TPX2: variants seen among roughly 807,000 people sequenced by gnomAD.
TPX2 encodes the protein targeting protein for Xklp2.
Under a neutral mutation model 93.6 loss-of-function variants are expected in TPX2, and 21 were observed. The ratio of observed to expected loss-of-function variants is 0.22; its 90% CI spans 0.16 to 0.32. TPX2 has a LOEUF of 0.32. Ranked by LOEUF, TPX2 falls within the 10% of genes least tolerant of loss-of-function variation. TPX2 has a pLI of 1.00. For synonymous variants in TPX2, 281 were observed against 298.3 expected (o/e 0.94, Z 0.60); for missense variants, 776 against 871.1 (o/e 0.89, Z 1.37).
intron 5 of TPX2, among the ~76,000 whole-genome samples, chr20:31,768,046 C>T (rs184195173): frequency 6.6e-6 from 1 of 151,632 alleles, no homozygotes; most frequent in African/African-American, 2.4e-5. Flanking sequence ...ATCCTTCTGC[C>T]TTAGCCTCCT....
chr20:31,773,921 G>A (rs982825053), intron 7 of TPX2, among the ~76,000 whole-genome samples: 28 of 151,564 alleles, frequency 1.8e-4, no homozygotes, highest in Non-Finnish European at 3.1e-4. Flanking sequence ...GTTCAGGCTG[G>A]AGTGCAGTGG....
chr20:31,761,793 A>G (rs2061892644), intron 4 of TPX2, among the ~76,000 whole-genome samples: 1 of 152,256 alleles, frequency 6.6e-6, no homozygotes, highest in Non-Finnish European at 1.5e-5. Flanking sequence ...GCTGGATCAT[A>G]TGGTAATTAT....
intron 4 of TPX2, among the ~76,000 whole-genome samples, chr20:31,766,346 A>G (rs1012902046): frequency 9.2e-5 from 14 of 152,054 alleles, no homozygotes; most frequent in African/African-American, 3.4e-4. Context: ...TAGGCTGGCA[A>G]ATAGGCAAGC....
intron 2 of TPX2, among the ~76,000 whole-genome samples, chr20:31,752,548 T>C (rs1196177291): frequency 6.6e-6 from 1 of 152,236 alleles, no homozygotes; most frequent in East Asian, 1.9e-4. Flanking sequence ...TCTTATTTAT[T>C]GTGTATGATA....
Position 31,760,152 on chromosome 20 carries a change from C to A in TPX2, c.202C>A (p.Gln68Lys), listed in dbSNP as rs1229306292. 7.4e-6 allele frequency: 12 copies of A among 1,613,838 alleles called. No individual in the cohort carries two copies. Among genetic ancestry groups the A allele is most frequent in the Non-Finnish European group, 9.3e-6 (11 of 1,179,914 alleles). Reference protein sequence around the residue: ...KTPLRKANLQQAIVTPLKPVD... With the variant: ...KTPLRKANLQKAIVTPLKPVD... The stretch of plus-strand genomic sequence containing the variant: ...TCCTTTGAGAAAGGCTAATCTTCAG[C>A]AAGCTATTGTCACACCTTTGAAACC... The change falls in exon 4 of 18, where the codon CAA becomes AAA. Residue 68 changes from glutamine to lysine, a missense_variant. Physicochemically the swap from Gln to Lys is moderately conservative, Grantham distance 53. Coordinates refer to ENST00000300403, the MANE Select transcript of TPX2 (RefSeq NM_012112.5).
chr20:31,781,253 C>CTTTTT lies in TPX2; in HGVS notation c.1055-979_1055-975dup, dbSNP rs1007150417. On this transcript the variant is annotated intron_variant, in intron 10 of 17. Transcript: ENST00000300403. Reference sequence around the variant, plus strand: ...CTTGGTCTTTAGGAAGGCCTTATATCTTTTTTTTTTTTTTTTTTTTTGAGA... The same window carrying CTTTTT: ...CTTGGTCTTTAGGAAGGCCTTATATCTTTTTTTTTTTTTTTTTTTTTTTTTTGAGA... Among the ~76,000 whole-genome samples, 27 of 116,768 alleles carry CTTTTT rather than the reference C, an allele frequency of 2.3e-4. 1 individual carries two copies. The highest frequency in any genetic ancestry group is 7.6e-4 in the African/African-American group (21 of 27,470). The allele number at this position is 116,768 out of a possible 152,430, so 76.6% of individuals were successfully genotyped here.
chr20:31,764,058 T>TA (rs1432501094), intron 4 of TPX2, among the ~76,000 whole-genome samples: 4 of 151,500 alleles, frequency 2.6e-5, no homozygotes, highest in East Asian at 3.9e-4. Flanking sequence ...CACACACACA[T>TA]ACACACATAT....
chr20:31,764,122 G>A (rs575751728), intron 4 of TPX2, among the ~76,000 whole-genome samples: 19 of 137,796 alleles, frequency 1.4e-4, no homozygotes, highest in South Asian at 4.3e-4. Flanking sequence ...ATGTATGTGT[G>A]TATATATGTA....
At chr20:31,798,687 C>A in intron 17 of TPX2, 135 bp downstream of exon 17, 3 of 1,084,520 alleles carry the variant, frequency 2.8e-6, no homozygotes, top group Non-Finnish European at 3.9e-6. Flanking sequence ...GGGGGAATTG[C>A]ACAAACTGAG....
rs544950681 is a variant in TPX2 at position 31,777,427 on chromosome 20, G to A, written c.731-60G>A. The A allele has an allele frequency of 3.2e-6, 5 of 1,564,142 alleles. No individual in the cohort carries two copies. The African/African-American group carries it at 5.4e-5, about 17-fold the overall frequency. ...ATAGCAAAAGGACTGGAGTAAAGGG[G>A]ATTTACTGGTGTTCCCTATCTTAAT... On this transcript the variant is annotated intron_variant, in intron 8 of 17. Coordinates refer to ENST00000300403, the MANE Select transcript of TPX2 (RefSeq NM_012112.5).
At chr20:31,766,521 C>T in intron 4 of TPX2, 35 bp from the exon 5 acceptor site, 4 of 1,564,214 alleles carry the variant, frequency 2.6e-6, no homozygotes, top group Non-Finnish European at 3.5e-6. Context: ...TTTTCCTTGG[C>T]CTTTGAGTGC....
At chr20:31,749,611 C>G (rs6058449) in intron 2 of TPX2, among the ~76,000 whole-genome samples, 56,185 of 151,406 alleles carry the variant, frequency 0.37, 12,538 homozygotes, top group African/African-American at 0.61. Flanking sequence ...GCCTGGCCAA[C>G]ATGGTGAAAC....
intron 2 of TPX2, among the ~76,000 whole-genome samples, chr20:31,746,268 A>C (rs1434560182): frequency 6.6e-6 from 1 of 152,230 alleles, no homozygotes; most frequent in Non-Finnish European, 1.5e-5. Flanking sequence ...ACTTTGATTA[A>C]CAGTTAAAAT....
intron 2 of TPX2, among the ~76,000 whole-genome samples, chr20:31,746,979 T>C (rs921736674): frequency 6.6e-6 from 1 of 152,152 alleles, no homozygotes; most frequent in African/African-American, 2.4e-5. Context: ...CAGGAAACCA[T>C]CTCTGATCCT....
At chr20:31,786,408 T>TTTTTTTGTTTTTG (rs2062066972) in intron 12 of TPX2, among the ~76,000 whole-genome samples, 1 of 143,888 alleles carries the variant, frequency 6.9e-6, no homozygotes, top group African/African-American at 2.8e-5. Flanking sequence ...CTGTTTTTTT[T>TTTTTTTGTTTTTG]TTTTTTTGAG....
intron 12 of TPX2, among the ~76,000 whole-genome samples, chr20:31,790,960 A>G (rs543376945): frequency 1.3e-5 from 2 of 152,210 alleles, no homozygotes; most frequent in Non-Finnish European, 2.9e-5. Flanking sequence ...TTTATAAAAG[A>G]GGAAAGGCTT....
At chr20:31,771,085 T>A (rs990414123) in intron 6 of TPX2, among the ~76,000 whole-genome samples, 1 of 152,148 alleles carries the variant, frequency 6.6e-6, no homozygotes, top group Admixed American at 6.6e-5. Context: ...GAAACTTAAG[T>A]CTTTCGCAGC....
chr20:31,775,843 C>A, intron 7 of TPX2, 24 bp from the exon 8 acceptor site: 1 of 1,528,296 alleles, frequency 6.5e-7, no homozygotes, highest in South Asian at 1.3e-5. Context: ...CTCCTCTCTT[C>A]TCATTTACTG....
intron 11 of TPX2, among the ~76,000 whole-genome samples, chr20:31,782,764 G>A (rs1387176957): frequency 1.3e-5 from 2 of 152,012 alleles, no homozygotes; most frequent in Admixed American, 1.3e-4. Context: ...ATGGTGGCAT[G>A]CGTCTGTAGT....
Sources: gnomAD v4.1 joint callset for allele counts (sites outside exome capture counted in the v4.1 genomes callset) on GRCh38, gnomAD v4.1.1 for gene constraint, MANE v1.5 for transcripts, NCBI Gene and HGNC (gene_info 2026-07-23, HGNC 2026-07-21) for gene names.